Variants in KLHL29 observed in about 807,000 individuals in gnomAD.
KLHL29 encodes kelch like family member 29.
In KLHL29, 21 loss-of-function variants were observed where a neutral mutation model predicts 80.4. The observed-to-expected ratio is 0.26, with a 90% CI of 0.19 to 0.38. The LOEUF is 0.38. Among genes scored for constraint, KLHL29 ranks in the 10% least tolerant of loss-of-function variants. The probability of loss-of-function intolerance (pLI) is 1.00; values close to 1 mark genes in which losing one functional copy is unlikely to be tolerated. For missense variants in KLHL29, 867 were observed against 1,223.9 expected, an observed-to-expected ratio of 0.71 and a Z score of 4.35; for synonymous variants, 511 against 526.8, an observed-to-expected ratio of 0.97 and a Z score of 0.41.
intron 5 of KLHL29, among the ~76,000 whole-genome samples, chr2:23,650,079 C>G (rs932181655): frequency 6.6e-6 from 1 of 152,226 alleles, no homozygotes; most frequent in Non-Finnish European, 1.5e-5. Context: ...ACTGCATGCC[C>G]CACGTGGTCT....
chr2:23,632,117 G>A (rs1669483749), intron 3 of KLHL29, among the ~76,000 whole-genome samples: 1 of 152,166 alleles, frequency 6.6e-6, no homozygotes, highest in South Asian at 2.1e-4. Flanking sequence ...TGCTGCTTTT[G>A]TGCACTCCCA....
intron 2 of KLHL29, among the ~76,000 whole-genome samples, chr2:23,551,531 G>A (rs1395903827): frequency 6.6e-6 from 1 of 152,152 alleles, no homozygotes; most frequent in Non-Finnish European, 1.5e-5. Context: ...AAATGGAATC[G>A]GTGGCATTTT....
In KLHL29 at chr2:23,700,381, T is replaced by A; in HGVS notation, c.2106-2805T>A. ...TCCATACTCAAAATTCATCACTTCC[T>A]AATTTTTTACTACATGTTACTACTC... On this transcript the variant is annotated intron_variant, in intron 11 of 13. Transcript: ENST00000486442. This position sits in a 1 kb window ranked among gnomAD's most constrained non-coding sequence, Gnocchi z 4.6. Among the ~76,000 whole-genome samples the A allele has an allele frequency of 6.6e-6, 1 of 152,350 alleles. No homozygotes were observed. The highest frequency in any genetic ancestry group is 2.1e-4 in the South Asian group (1 of 4,826).
At chr2:23,516,778 C>T (rs1315728693) in intron 2 of KLHL29, among the ~76,000 whole-genome samples, 2 of 152,274 alleles carry the variant, frequency 1.3e-5, no homozygotes, top group East Asian at 1.9e-4. Context: ...TGCCCTGGCA[C>T]TGGGGAGGCC....
chr2:23,512,011 T>C (rs1483486934), intron 2 of KLHL29, among the ~76,000 whole-genome samples: 1 of 152,092 alleles, frequency 6.6e-6, no homozygotes, highest in Non-Finnish European at 1.5e-5. Context: ...ATGTCAGGGC[T>C]CTCGGTAGAA....
intron 2 of KLHL29, among the ~76,000 whole-genome samples, chr2:23,543,559 G>A (rs957048755): frequency 3.3e-5 from 5 of 152,216 alleles, no homozygotes; most frequent in Non-Finnish European, 4.4e-5. Context: ...GCCCTCTGAA[G>A]TTACTGATTT....
rs1672507503 is a variant in KLHL29 at position 23,703,273 on chromosome 2, GA to G, written c.2194del (p.Ile732SerfsTer7). ...SAAATVCGGK[I>X]YVFGGVNEAG... ...CTGCAGCCACAGTGTGTGGCGGCAA[GA>G]TCTACGTGTTTGGTGGGGTGAACGA... On this transcript the variant is annotated frameshift_variant, in exon 12 of 14. Coordinates refer to ENST00000486442, the MANE Select transcript of KLHL29 (RefSeq NM_052920.2). LOFTEE classifies it high-confidence loss of function. 1 of 1,549,040 alleles carries G rather than the reference GA, an allele frequency of 6.5e-7. No individual in the cohort carries two copies. The highest frequency in any genetic ancestry group is 1.4e-5 in the African/African-American group (1 of 72,956).
At position 23,669,680 on chromosome 2, in the gene KLHL29, C is replaced by T. The variant is rs545516783; in HGVS notation, c.941-14719C>T. ...TGTGTTCACGTAGGGGATGGTCCCC[C>T]CTCTGTGTGGCTGCCCTGCCACCCC... On this transcript the variant is annotated intron_variant, in intron 5 of 13. Coordinates refer to ENST00000486442, the MANE Select transcript of KLHL29 (RefSeq NM_052920.2). This position sits in a 1 kb window ranked among gnomAD's most constrained non-coding sequence, Gnocchi z 4.3. Among the ~76,000 whole-genome samples the T allele has an allele frequency of 6.6e-6, 1 of 152,144 alleles. No homozygotes were observed. The highest frequency in any genetic ancestry group is 1.5e-5 in the Non-Finnish European group (1 of 68,024).
intron 1 of KLHL29, among the ~76,000 whole-genome samples, chr2:23,414,856 C>A (rs1241892191): frequency 1.3e-5 from 2 of 152,230 alleles, no homozygotes. Context: ...TATTCTGAGA[C>A]TGTGTTCTAT....
chr2:23,462,925 G>T (rs752215905), intron 1 of KLHL29, among the ~76,000 whole-genome samples: 1 of 152,188 alleles, frequency 6.6e-6, no homozygotes, highest in South Asian at 2.1e-4. Context: ...GCTTGAGCCC[G>T]GGAGTTCGAG....
At chr2:23,623,665 G>C (rs1253779008) in intron 3 of KLHL29, among the ~76,000 whole-genome samples, 3 of 152,194 alleles carry the variant, frequency 2.0e-5, no homozygotes, top group Admixed American at 2.0e-4. Flanking sequence ...GTCCAAGAAG[G>C]CTGGGGCTGT....
intron 3 of KLHL29, among the ~76,000 whole-genome samples, chr2:23,621,273 G>A (rs996412033): frequency 2.6e-5 from 4 of 152,174 alleles, no homozygotes; most frequent in Non-Finnish European, 5.9e-5. Flanking sequence ...GAGAGACTGG[G>A]GAAGCCCAGC....
At chr2:23,573,793 T>A (rs1335759313) in intron 3 of KLHL29, among the ~76,000 whole-genome samples, 4 of 152,228 alleles carry the variant, frequency 2.6e-5, no homozygotes, top group Non-Finnish European at 5.9e-5. Context: ...TGCATGATGC[T>A]TGGGGACCGT....
chr2:23,554,595 C>T (rs115479892), intron 2 of KLHL29, among the ~76,000 whole-genome samples: 2,558 of 152,234 alleles, frequency 0.017, 43 homozygotes, highest in Admixed American at 0.027. Context: ...ATGTGTGGGC[C>T]GCCACCAGCA....
intron 1 of KLHL29, among the ~76,000 whole-genome samples, chr2:23,441,691 T>C (rs1426665991): frequency 6.6e-6 from 1 of 152,180 alleles, no homozygotes; most frequent in Non-Finnish European, 1.5e-5. Context: ...GACTAGAAAG[T>C]TGGAGCTGGC....
intron 2 of KLHL29, among the ~76,000 whole-genome samples, chr2:23,517,821 T>C (rs1665986955): frequency 6.6e-6 from 1 of 152,222 alleles, no homozygotes; most frequent in African/African-American, 2.4e-5. Context: ...CACTGGAAAG[T>C]CACTTTAGTG....
chr2:23,564,718 G>A (rs1667545275), intron 3 of KLHL29, among the ~76,000 whole-genome samples: 1 of 152,260 alleles, frequency 6.6e-6, no homozygotes, highest in Non-Finnish European at 1.5e-5. Context: ...CCGGGCCCAG[G>A]TATTTGCGGT....
In KLHL29 at chr2:23,519,615, G is replaced by A. The variant is rs897474721; in HGVS notation, c.-45-42537G>A. Among the ~76,000 whole-genome samples the A allele has an allele frequency of 4.6e-5, 7 of 152,312 alleles. No homozygotes were observed. The East Asian group carries it at 1.4e-3, about 29-fold the overall frequency. The stretch of plus-strand genomic sequence containing the variant: ...AGACAGGTCTCGGTGAATTTAGAAA[G>A]TTTATTTTGCCAAGTTGAGGACTCG... On this transcript the variant is annotated intron_variant, in intron 2 of 13. Coordinates refer to ENST00000486442, the MANE Select transcript of KLHL29 (RefSeq NM_052920.2).
rs1666630015 is a variant in KLHL29, at chr2:23,402,935, A to G, written c.-154+17155A>G. On this transcript the variant is annotated intron_variant, in intron 1 of 13. Coordinates refer to ENST00000486442, the MANE Select transcript of KLHL29 (RefSeq NM_052920.2). ...TATGTGTATATATCTTATATATCAT[A>G]TATAATCTTATATGTGTATGTATAT... Among the ~76,000 whole-genome samples, 3 of 150,352 alleles carry G rather than the reference A, an allele frequency of 2.0e-5. 1 individual carries two copies. The Admixed American group carries it at 2.0e-4, about 10-fold the overall frequency.
Sources: gnomAD v4.1 joint callset for allele counts (sites outside exome capture counted in the v4.1 genomes callset) on GRCh38, gnomAD v4.1.1 for gene constraint, Gnocchi (gnomAD v3.1) non-coding constraint, MANE v1.5 for transcripts, NCBI Gene and HGNC (gene_info 2026-07-23, HGNC 2026-07-21) for gene names.